The following NUP85 variants were observed in gnomAD, a reference collection of about 807,000 sequenced individuals.
NUP85 encodes nucleoporin 85.
Under a neutral mutation model 92.8 loss-of-function variants are expected in NUP85, and 23 were observed. The observed-to-expected ratio is 0.25, with a 90% confidence interval of 0.18 to 0.35. The LOEUF is 0.35. Ranked by LOEUF, NUP85 falls within the 10% of genes least tolerant of loss-of-function variation. NUP85 has a pLI of 1.00. For missense variants in NUP85, 759 were observed against 822.8 expected (o/e 0.92, Z 0.95); for synonymous variants, 314 against 306.9 (o/e 1.02, Z -0.24).
intron 6 of NUP85, among the ~76,000 whole-genome samples, chr17:75,217,730 C>T (rs960731272): frequency 1.3e-5 from 2 of 152,206 alleles, no homozygotes; most frequent in African/African-American, 4.8e-5. Context: ...TGGTCTTGAA[C>T]TCCTGAGCTT....
chr17:75,219,560 C>T (rs567877985), intron 7 of NUP85, among the ~76,000 whole-genome samples: 19 of 152,294 alleles, frequency 1.2e-4, no homozygotes, highest in African/African-American at 4.6e-4. Context: ...AAGTGTGAGC[C>T]ACCATTCCTG....
chr17:75,206,710 A>G (rs2075092168), intron 1 of NUP85, among the ~76,000 whole-genome samples: 1 of 151,826 alleles, frequency 6.6e-6, no homozygotes, highest in Non-Finnish European at 1.5e-5. Flanking sequence ...TATTACTGTT[A>G]TTTTTTAGAC....
Position 75,210,066 on chromosome 17 carries a change from G to GT in NUP85, c.290+85dup, listed in dbSNP as rs1157102829. 5.0e-6 allele frequency: 7 copies of GT among 1,389,050 alleles called. No individual in the cohort carries two copies. In the Admixed American group the frequency reaches 1.7e-4, roughly 34 times the overall value. The allele number at this position is 1,389,050 out of a possible 1,614,324, so 86.0% of individuals were successfully genotyped here. Reference sequence around the variant, plus strand: ...GAAGTACATTGTTGTCTTTTTGTGTGTTTTATGGGTTGCGTAAAGAAATAA... The same window carrying GT: ...GAAGTACATTGTTGTCTTTTTGTGTGTTTTTATGGGTTGCGTAAAGAAATAA... On this transcript the variant is annotated intron_variant, in intron 3 of 18. Transcript: ENST00000245544.
chr17:75,228,902 C>T (rs2075931510), intron 11 of NUP85: 1 of 985,312 alleles, frequency 1.0e-6, no homozygotes. Flanking sequence ...GTTTGTCTCT[C>T]AGTGCCTGGG....
chr17:75,220,422 CTT>C (rs551735621), intron 7 of NUP85, among the ~76,000 whole-genome samples: 21 of 140,826 alleles, frequency 1.5e-4, no homozygotes, highest in Admixed American at 2.1e-4. Context: ...CATGCCTGGC[CTT>C]TTTTTTTTTT....
At chr17:75,233,638 A>C (rs1157067722) in intron 16 of NUP85, among the ~76,000 whole-genome samples, 1 of 150,246 alleles carries the variant, frequency 6.7e-6, no homozygotes, top group African/African-American at 2.5e-5. Flanking sequence ...TCACTCTGTC[A>C]CCCGGGCTGG....
At chr17:75,207,023 C>T (rs1041720206) in intron 1 of NUP85, among the ~76,000 whole-genome samples, 2 of 151,754 alleles carry the variant, frequency 1.3e-5, no homozygotes, top group Non-Finnish European at 2.9e-5. Flanking sequence ...TGGTCTTTTA[C>T]TTGTGAAGAT....
intron 3 of NUP85, among the ~76,000 whole-genome samples, chr17:75,211,266 G>T (rs1359140492): frequency 6.6e-6 from 1 of 152,044 alleles, no homozygotes; most frequent in Non-Finnish European, 1.5e-5. Context: ...GCGTCCCAAA[G>T]TGCTGGGATT....
At chr17:75,209,142 C>T (rs1172276395) in intron 2 of NUP85, among the ~76,000 whole-genome samples, 1 of 152,024 alleles carries the variant, frequency 6.6e-6, no homozygotes, top group African/African-American at 2.4e-5. Flanking sequence ...ATCCCTTTTT[C>T]TTTGTCCAAA....
intron 2 of NUP85, among the ~76,000 whole-genome samples, 200 bp from the exon 3 acceptor site, chr17:75,209,623 T>C (rs749672737): frequency 6.6e-6 from 1 of 152,098 alleles, no homozygotes; most frequent in Non-Finnish European, 1.5e-5. Flanking sequence ...TTTGTATTTT[T>C]AGTAGAGACA....
intron 7 of NUP85, among the ~76,000 whole-genome samples, chr17:75,220,762 G>GT (rs1224590383): frequency 6.7e-6 from 1 of 150,370 alleles, no homozygotes; most frequent in Non-Finnish European, 1.5e-5. Context: ...TTTTTGTTTT[G>GT]TTTTGTTTTG....
Position 75,231,100 on chromosome 17 carries a change from TTTTGTA to T in NUP85, c.1095-233_1095-228del, listed in dbSNP as rs2076039201. 2.1e-6 allele frequency: 1 copy of T among 475,316 alleles called. No homozygotes were observed. The highest frequency in any genetic ancestry group is 3.4e-5 in the Admixed American group (1 of 29,056). 29.4% of individuals were successfully genotyped at this position (475,316 alleles called of 1,614,324 possible). ...GTGTGTGCCACCATGCCTGGCTAATTTTTGTATTTGTAGAGATGGGGTTTTGCCATG... is the reference window on the plus strand; with the variant it reads ...GTGTGTGCCACCATGCCTGGCTAATTTTTGTAGAGATGGGGTTTTGCCATG... On this transcript the variant is annotated intron_variant, in intron 11 of 18. Transcript: ENST00000245544. The surrounding 1 kb of genome is among the most constrained non-coding windows in gnomAD (Gnocchi z 4.6).
rs1568068936 is a variant in NUP85 at position 75,212,081 on chromosome 17, T to C, written c.361+19T>C. 4 of 1,311,836 alleles carry C rather than the reference T, an allele frequency of 3.0e-6. No homozygotes were observed. The highest frequency in any genetic ancestry group is 1.2e-5 in the South Asian group (1 of 82,222). 81.3% of individuals were successfully genotyped at this position (1,311,836 alleles called of 1,614,324 possible). ...GTTGCAAGTAAGGACTGTGTGCGCG[T>C]GCGCGCGTGTGTGTGTGTGTGTGTG... On this transcript the variant is annotated intron_variant, in intron 4 of 18. Transcript: ENST00000245544.
chr17:75,231,999 A>C lies in NUP85; in HGVS notation c.1396+20A>C, dbSNP rs918234946. On this transcript the variant is annotated intron_variant, in intron 14 of 18. Transcript: ENST00000245544. This position sits in a 1 kb window ranked among gnomAD's most constrained non-coding sequence, Gnocchi z 4.6. Reference sequence around the variant, plus strand: ...AACAAGGTGAGCTGGCCCTGCTCCCAGCCTACTGTCTGTGGGACGCAGGAG... The same window carrying C: ...AACAAGGTGAGCTGGCCCTGCTCCCCGCCTACTGTCTGTGGGACGCAGGAG... The C allele has an allele frequency of 6.2e-7, 1 of 1,613,520 alleles. No individual in the cohort carries two copies. The highest frequency in any genetic ancestry group is 8.5e-7 in the Non-Finnish European group (1 of 1,179,884).
At chr17:75,232,544 G>A (rs77656105) in intron 14 of NUP85, among the ~76,000 whole-genome samples, 5,009 of 152,096 alleles carry the variant, frequency 0.033, 201 homozygotes, top group South Asian at 0.081. Flanking sequence ...GAGCTGACAC[G>A]TAGGGAGAAA....
chr17:75,215,210 T>C (rs540980728), intron 5 of NUP85, among the ~76,000 whole-genome samples: 1 of 152,274 alleles, frequency 6.6e-6, no homozygotes, highest in South Asian at 2.1e-4. Context: ...ATGCAAGTTA[T>C]ATTTTTTCTT....
At chr17:75,229,894 A>G (rs2075978525) in intron 11 of NUP85, among the ~76,000 whole-genome samples, 1 of 152,072 alleles carries the variant, frequency 6.6e-6, no homozygotes, top group Non-Finnish European at 1.5e-5. Flanking sequence ...AATGGTTTCG[A>G]CATAACCATC....
intron 7 of NUP85, among the ~76,000 whole-genome samples, chr17:75,222,457 T>C (rs1480689904): frequency 2.0e-5 from 3 of 150,190 alleles, no homozygotes; most frequent in African/African-American, 7.4e-5. Flanking sequence ...AGAGGAAAAG[T>C]TGGGAGTTAT....
At chr17:75,227,310 G>T (rs1456195814) in intron 11 of NUP85, among the ~76,000 whole-genome samples, 1 of 141,352 alleles carries the variant, frequency 7.1e-6, no homozygotes, top group Non-Finnish European at 1.5e-5. Context: ...CAAGTTTTTT[G>T]TGTGTTTGTT....
Sources: allele counts gnomAD v4.1 joint callset (sites outside exome capture counted in the v4.1 genomes callset), GRCh38; gene constraint gnomAD v4.1.1; non-coding constraint Gnocchi (gnomAD v3.1); transcripts MANE v1.5; gene names NCBI Gene and HGNC (gene_info 2026-07-23, HGNC 2026-07-21).